EIF4G3: variants seen among roughly 807,000 people sequenced by gnomAD.
The protein encoded by EIF4G3 is eIF-4-gamma 3.
In EIF4G3, 34 loss-of-function variants were observed where a neutral mutation model predicts 186.4. The observed-to-expected ratio is 0.18, with a 90% CI of 0.14 to 0.24. The LOEUF (loss-of-function observed/expected upper bound fraction) is 0.24, where lower values mean the gene tolerates loss of function less well. Among genes scored for constraint, EIF4G3 ranks in the 10% least tolerant of loss-of-function variants. The pLI is 1.00. For missense variants in EIF4G3, 1,536 were observed against 1,948.5 expected (o/e 0.79, Z 3.99); for synonymous variants, 673 against 679.5 (o/e 0.99, Z 0.15).
rs545557476 is a variant in EIF4G3, at chr1:20,988,752, C to T, written c.178-6344G>A. On this transcript the variant is annotated intron_variant, in intron 7 of 36. Transcript: ENST00000602326. Reference sequence around the variant, plus strand: ...GCCTGCTAACACAACATCCACTCTGCAGCCTATGGATCAAGGAGTAGTTTT... The same window carrying T: ...GCCTGCTAACACAACATCCACTCTGTAGCCTATGGATCAAGGAGTAGTTTT... Among the ~76,000 whole-genome samples the T allele has an allele frequency of 1.2e-3, 189 of 152,104 alleles. 1 individual carries two copies. Among genetic ancestry groups the T allele is most frequent in the African/African-American group, 4.4e-3 (183 of 41,498 alleles).
At chr1:20,961,466 T>C (rs1430283059) in intron 12 of EIF4G3, among the ~76,000 whole-genome samples, 2 of 152,196 alleles carry the variant, frequency 1.3e-5, no homozygotes, top group African/African-American at 2.4e-5. Flanking sequence ...CACATTCACA[T>C]AATTCAAAGA....
intron 6 of EIF4G3, among the ~76,000 whole-genome samples, chr1:21,000,392 T>G (rs1156457097): frequency 1.3e-5 from 2 of 152,012 alleles, no homozygotes; most frequent in South Asian, 2.1e-4. Flanking sequence ...GCCAATGGCC[T>G]ATTAATGCAG....
intron 2 of EIF4G3, among the ~76,000 whole-genome samples, chr1:21,134,868 T>C (rs958712344): frequency 3.3e-5 from 5 of 151,284 alleles, no homozygotes; most frequent in African/African-American, 7.4e-5. Flanking sequence ...TATAGTACTA[T>C]GCAGTGTTTT....
At chr1:20,935,919 G>T (rs542007954) in intron 14 of EIF4G3, among the ~76,000 whole-genome samples, 1 of 152,300 alleles carries the variant, frequency 6.6e-6, no homozygotes, top group Admixed American at 6.5e-5. Flanking sequence ...AGGAGGATTA[G>T]TTACTAAATG....
chr1:20,977,106 A>T (rs1404463856), intron 10 of EIF4G3, among the ~76,000 whole-genome samples: 10 of 151,538 alleles, frequency 6.6e-5, no homozygotes, highest in African/African-American at 2.4e-4. Context: ...AAAAATACGT[A>T]TCAAACTGTT....
intron 2 of EIF4G3, among the ~76,000 whole-genome samples, chr1:21,092,193 T>C (rs1337005762): frequency 3.3e-5 from 5 of 152,232 alleles, no homozygotes; most frequent in Admixed American, 2.0e-4. Flanking sequence ...TGAGAGTTTT[T>C]AGCATGAAGG....
chr1:21,176,526 G>GGGA (rs938905052), intron 1 of EIF4G3, among the ~76,000 whole-genome samples, 168 bp from the exon 2 acceptor site: 1 of 140,584 alleles, frequency 7.1e-6, no homozygotes, highest in Non-Finnish European at 1.6e-5. Context: ...GGAGCCTGGG[G>GGGA]GGAGGAGGAG....
chr1:20,821,691 ACTTCACCAT>A (rs1234781819), intron 33 of EIF4G3, among the ~76,000 whole-genome samples: 2 of 151,612 alleles, frequency 1.3e-5, no homozygotes, highest in Admixed American at 6.6e-5. Flanking sequence ...TATTATGTAT[ACTTCACCAT>A]CTTCCCTATT....
intron 4 of EIF4G3, among the ~76,000 whole-genome samples, chr1:21,023,625 C>T (rs1240691846): frequency 2.0e-5 from 3 of 152,180 alleles, no homozygotes; most frequent in African/African-American, 7.2e-5. Flanking sequence ...CACCTCCCAG[C>T]CGTCTGCCTT....
intron 4 of EIF4G3, among the ~76,000 whole-genome samples, chr1:21,039,813 A>G (rs1246748883): frequency 6.6e-6 from 1 of 152,202 alleles, no homozygotes; most frequent in Non-Finnish European, 1.5e-5. Context: ...ACTCAACAAC[A>G]ACGAAAGAAG....
intron 14 of EIF4G3, among the ~76,000 whole-genome samples, chr1:20,940,518 C>T (rs1341074729): frequency 1.3e-5 from 2 of 152,150 alleles, no homozygotes; most frequent in African/African-American, 4.8e-5. Flanking sequence ...CCTTATTATA[C>T]ACCTCAAAAT....
chr1:20,820,571 G>A (rs2062088503), intron 33 of EIF4G3, among the ~76,000 whole-genome samples: 1 of 152,168 alleles, frequency 6.6e-6, no homozygotes, highest in African/African-American at 2.4e-5. Flanking sequence ...CTGAAGGCTG[G>A]GGGCTGGGAT....
Position 20,922,326 on chromosome 1 carries a change from A to C in EIF4G3, c.1664-17355T>G, listed in dbSNP as rs72652968. On this transcript the variant is annotated intron_variant, in intron 14 of 36. Transcript: ENST00000602326. ...AAGTCTATCTCTTTTTTTTTTGAAA[A>C]GGAGTTTTGCTCTTGTTGCCCAGGC... is the stretch of plus-strand genomic sequence containing the variant. 7.4e-3 allele frequency among the ~76,000 whole-genome samples: 1,125 copies of C among 151,948 alleles called. 5 individuals carry two copies. The highest frequency in any genetic ancestry group is 0.041 in the Middle Eastern group (12 of 292).
At chr1:21,001,622 G>C (rs983569845) in intron 5 of EIF4G3, among the ~76,000 whole-genome samples, 13 of 152,112 alleles carry the variant, frequency 8.5e-5, no homozygotes, top group Admixed American at 2.0e-4. Flanking sequence ...AGCAAAAAAA[G>C]AGACAAGCAA....
intron 24 of EIF4G3, 125 bp from the exon 25 acceptor site, chr1:20,857,622 A>G (rs2075341558): frequency 1.2e-5 from 10 of 828,358 alleles, no homozygotes; most frequent in Admixed American, 3.9e-5. Context: ...ATTGATGACA[A>G]TATCTTTAAT....
rs148308625 is a variant in EIF4G3, at chr1:20,963,738, G to C, written c.714+5736C>G. ...GGAGGCTGAGGCGAGCAGATCACTT[G>C]AGGTCAGGTGTTCGAGACCAGCCTG... is the stretch of plus-strand genomic sequence containing the variant. On this transcript the variant is annotated intron_variant, in intron 12 of 36. Transcript: ENST00000602326. 2.0e-3 allele frequency among the ~76,000 whole-genome samples: 298 copies of C among 152,172 alleles called. 1 individual carries two copies. The highest frequency in any genetic ancestry group is 6.6e-3 in the African/African-American group (275 of 41,506).
chr1:20,955,998 A>G (rs2096404633), intron 12 of EIF4G3, among the ~76,000 whole-genome samples: 1 of 152,204 alleles, frequency 6.6e-6, no homozygotes. Flanking sequence ...AATATATGAC[A>G]TGCCATAACA....
At chr1:20,864,371 A>T in intron 22 of EIF4G3, 105 bp downstream of exon 22, 1 of 831,770 alleles carries the variant, frequency 1.2e-6, no homozygotes, top group Non-Finnish European at 2.0e-6. Flanking sequence ...AAAAATAAAC[A>T]GCCCAGACCT....
At chr1:21,110,484 G>A (rs893958008) in intron 2 of EIF4G3, among the ~76,000 whole-genome samples, 1 of 151,908 alleles carries the variant, frequency 6.6e-6, no homozygotes, top group Non-Finnish European at 1.5e-5. Flanking sequence ...TAGTAGAGAC[G>A]GGATTTCACC....
Sources: gnomAD v4.1 joint callset for allele counts (sites outside exome capture counted in the v4.1 genomes callset) on GRCh38, gnomAD v4.1.1 for gene constraint, MANE v1.5 for transcripts, NCBI Gene and HGNC (gene_info 2026-07-23, HGNC 2026-07-21) for gene names.